The following CNTN4 variants were observed in gnomAD, a reference collection of about 807,000 sequenced individuals.
CNTN4 encodes the protein contactin-4.
CNTN4 carries 77 observed loss-of-function variants against 122.5 expected under a neutral mutation model. The observed-to-expected ratio is 0.63, with a 90% CI of 0.52 to 0.76. CNTN4 has a LOEUF of 0.76. Ranked by LOEUF, CNTN4 falls within the 30% of genes least tolerant of loss-of-function variation. The pLI, the probability that CNTN4 is intolerant of heterozygous loss-of-function variation, is 0.00. For synonymous variants in CNTN4, 512 were observed against 447.0 expected (o/e 1.15, Z -1.83); for missense variants, 1,256 against 1,259.1 (o/e 1.00, Z 0.04).
chr3:2,360,467 G>A (rs2045083563), intron 3 of CNTN4, among the ~76,000 whole-genome samples: 1 of 152,102 alleles, frequency 6.6e-6, no homozygotes, highest in South Asian at 2.1e-4. Flanking sequence ...TTTGCCCAAT[G>A]AAATATGAAC....
intron 13 of CNTN4, among the ~76,000 whole-genome samples, chr3:2,946,701 T>TTGC (rs1559703258): frequency 9.9e-6 from 1 of 101,032 alleles, no homozygotes; most frequent in African/African-American, 2.9e-5. Flanking sequence ...TGCTTTTTTT[T>TTGC]TTCTTTTTTT....
At chr3:2,726,447 G>A (rs1447238367) in intron 4 of CNTN4, among the ~76,000 whole-genome samples, 4 of 152,148 alleles carry the variant, frequency 2.6e-5, no homozygotes, top group Non-Finnish European at 5.9e-5. Context: ...AGAGTAGGAG[G>A]GTTGGTTCAC....
chr3:2,417,968 T>TTTGGGATCACCCCG (rs1182892876), intron 3 of CNTN4, among the ~76,000 whole-genome samples: 1 of 152,146 alleles, frequency 6.6e-6, no homozygotes, highest in Non-Finnish European at 1.5e-5. Flanking sequence ...AGATCCGTGG[T>TTTGGGATCACCCCG]TGCCAGGGAT....
chr3:2,373,494 A>T (rs564239227), intron 3 of CNTN4, among the ~76,000 whole-genome samples: 9 of 152,370 alleles, frequency 5.9e-5, no homozygotes, highest in African/African-American at 2.2e-4. Context: ...AACACTCTTT[A>T]AATGGATACA....
chr3:2,886,825 T>C (rs917687642), intron 9 of CNTN4, among the ~76,000 whole-genome samples: 6 of 152,156 alleles, frequency 3.9e-5, no homozygotes, highest in African/African-American at 9.7e-5. Context: ...GATCACCTTA[T>C]TGAAAGTTAA....
At chr3:2,340,004 G>A (rs184700593) in intron 3 of CNTN4, among the ~76,000 whole-genome samples, 1 of 152,226 alleles carries the variant, frequency 6.6e-6, no homozygotes, top group South Asian at 2.1e-4. Flanking sequence ...TTCAGTTCAC[G>A]TGGCTGTCTC....
At chr3:2,742,791 C>G (rs1037399388) in intron 5 of CNTN4, among the ~76,000 whole-genome samples, 1 of 152,184 alleles carries the variant, frequency 6.6e-6, no homozygotes, top group Non-Finnish European at 1.5e-5. Flanking sequence ...TAAAAGATTC[C>G]TCACACATTG....
At chr3:2,941,891 C>T (rs760811867) in intron 13 of CNTN4, among the ~76,000 whole-genome samples, 1 of 152,176 alleles carries the variant, frequency 6.6e-6, no homozygotes, top group African/African-American at 2.4e-5. Context: ...TCAACTGCCT[C>T]TCCCTACCTG....
At chr3:2,482,567 C>G (rs766267916) in intron 3 of CNTN4, among the ~76,000 whole-genome samples, 4 of 152,170 alleles carry the variant, frequency 2.6e-5, no homozygotes, top group Non-Finnish European at 5.9e-5. Flanking sequence ...AGGACAGGCC[C>G]TCCCATGACA....
rs568492999 is a variant in CNTN4 at position 2,926,154 on chromosome 3, C to A, written c.1358+375C>A. Among the ~76,000 whole-genome samples the A allele has an allele frequency of 5.3e-5, 8 of 152,302 alleles. No individual in the cohort carries two copies. The South Asian group carries it at 1.7e-3, about 32-fold the overall frequency. On this transcript the variant is annotated intron_variant, in intron 13 of 24. Coordinates refer to ENST00000418658, the MANE Select transcript of CNTN4 (RefSeq NM_175607.3). ...TAAGCCCATGTCTTATTTGCTATGA[C>A]AACCCTTCAATTATTTGGCAGTGGC...
chr3:2,723,184 A>C (rs987511095), intron 4 of CNTN4, among the ~76,000 whole-genome samples: 1 of 152,178 alleles, frequency 6.6e-6, no homozygotes, highest in Admixed American at 6.5e-5. Flanking sequence ...AAAACATTTC[A>C]TTTTTAATTG....
chr3:3,034,547 G>T, intron 16 of CNTN4, 85 bp from the exon 17 acceptor site: 1 of 1,354,470 alleles, frequency 7.4e-7, no homozygotes, highest in Non-Finnish European at 1.1e-6. Context: ...AAATGAATGG[G>T]TCAATGCCCC....
intron 7 of CNTN4, among the ~76,000 whole-genome samples, chr3:2,820,387 G>C (rs562757199): frequency 1.3e-5 from 2 of 152,314 alleles, no homozygotes; most frequent in South Asian, 4.1e-4. Flanking sequence ...GTGAATGCAG[G>C]AGTTTCTAGA....
At chr3:2,599,477 G>C (rs2080927629) in intron 4 of CNTN4, among the ~76,000 whole-genome samples, 1 of 152,012 alleles carries the variant, frequency 6.6e-6, no homozygotes, top group South Asian at 2.1e-4. Context: ...CTTTTTGTTT[G>C]CTTAAACTAA....
At chr3:2,794,685 C>G (rs147657696) in intron 6 of CNTN4, among the ~76,000 whole-genome samples, 29 of 152,288 alleles carry the variant, frequency 1.9e-4, no homozygotes, top group African/African-American at 5.8e-4. Flanking sequence ...CTTACATCTT[C>G]CATTCTGTTT....
At chr3:2,846,704 A>G (rs1553662448) in intron 7 of CNTN4, among the ~76,000 whole-genome samples, 1 of 152,178 alleles carries the variant, frequency 6.6e-6, no homozygotes, top group Non-Finnish European at 1.5e-5. Context: ...AGAATAACTG[A>G]TTTTTATTCC....
chr3:2,633,597 A>C (rs1197579808), intron 4 of CNTN4, among the ~76,000 whole-genome samples: 1 of 152,230 alleles, frequency 6.6e-6, no homozygotes, highest in Non-Finnish European at 1.5e-5. Context: ...TTCTAAAGAC[A>C]TCTTTAATGT....
intron 2 of CNTN4, among the ~76,000 whole-genome samples, chr3:2,210,298 AGAG>A (rs1361128600): frequency 1.3e-5 from 2 of 152,226 alleles, no homozygotes; most frequent in Admixed American, 1.3e-4. Flanking sequence ...GATATTTCAC[AGAG>A]TAAATAAAAA....
intron 2 of CNTN4, among the ~76,000 whole-genome samples, chr3:2,320,426 C>G (rs2150205874): frequency 6.6e-6 from 1 of 152,202 alleles, no homozygotes; most frequent in South Asian, 2.1e-4. Flanking sequence ...TAAACCTGGC[C>G]TTAATATTTG....
Sources: gnomAD v4.1 joint callset for allele counts (sites outside exome capture counted in the v4.1 genomes callset) on GRCh38, gnomAD v4.1.1 for gene constraint, MANE v1.5 for transcripts, NCBI Gene and HGNC (gene_info 2026-07-23, HGNC 2026-07-21) for gene names.